Variants in PRPSAP2 observed in about 807,000 individuals in gnomAD.
The protein encoded by PRPSAP2 is phosphoribosyl pyrophosphate synthase-associated protein 2.
A neutral mutation model predicts 40.6 loss-of-function variants in PRPSAP2; 24 were observed. That is an observed-to-expected ratio of 0.59 (90% CI 0.43 to 0.83). The LOEUF (loss-of-function observed/expected upper bound fraction) is 0.83. Among genes scored for constraint, PRPSAP2 ranks in the 40% least tolerant of loss-of-function variants. The pLI, the probability that PRPSAP2 is intolerant of heterozygous loss-of-function variation, is 0.00. For synonymous variants in PRPSAP2, 149 were observed against 164.7 expected (o/e 0.90, Z 0.73); for missense variants, 292 against 465.6 (o/e 0.63, Z 3.43).
chr17:18,911,034 T>C lies in PRPSAP2; in HGVS notation c.585-69T>C. ...TTCTACTTATGTTCTCTTAATGTTTTGTCCCCTAGGCATTAGCAGAACCAA... is the reference window on the plus strand; with the variant it reads ...TTCTACTTATGTTCTCTTAATGTTTCGTCCCCTAGGCATTAGCAGAACCAA... On this transcript the variant is annotated intron_variant, in intron 8 of 11. Coordinates refer to ENST00000268835, the MANE Select transcript of PRPSAP2 (RefSeq NM_002767.4). The surrounding 1 kb of genome is among the most constrained non-coding windows in gnomAD (Gnocchi z 4.5). 10 of 1,472,696 alleles carry C rather than the reference T, an allele frequency of 6.8e-6. No homozygotes were observed. The South Asian group carries it at 1.3e-4, about 19-fold the overall frequency. 91.2% of individuals were successfully genotyped at this position (1,472,696 alleles called of 1,614,324 possible). A position where few individuals can be genotyped will look rare whatever the true frequency, so the allele number is the denominator to read the frequency against.
At chr17:18,864,442 C>T (rs931687996) in intron 1 of PRPSAP2, among the ~76,000 whole-genome samples, 14 of 151,890 alleles carry the variant, frequency 9.2e-5, no homozygotes, top group African/African-American at 1.9e-4. Context: ...TATAGGCAGC[C>T]ACCACCACGC....
At chr17:18,871,312 G>T (rs1426342049) in intron 4 of PRPSAP2, among the ~76,000 whole-genome samples, 2 of 152,112 alleles carry the variant, frequency 1.3e-5, no homozygotes, top group Non-Finnish European at 2.9e-5. Context: ...GAGCCACCGT[G>T]CCCAGCCTAA....
chr17:18,899,518 A>ATTT (rs1485609656), intron 8 of PRPSAP2, among the ~76,000 whole-genome samples: 11 of 74,798 alleles, frequency 1.5e-4, no homozygotes, highest in South Asian at 5.4e-4. Context: ...TATCCAACTG[A>ATTT]GTTTTTTTTT....
intron 8 of PRPSAP2, among the ~76,000 whole-genome samples, chr17:18,903,825 C>T (rs1417210332): frequency 6.6e-6 from 1 of 152,198 alleles, no homozygotes; most frequent in Non-Finnish European, 1.5e-5. Context: ...TCTTATATCC[C>T]GTAGCTATGT....
chr17:18,886,609 C>T (rs776403802), intron 7 of PRPSAP2, among the ~76,000 whole-genome samples: 27 of 152,074 alleles, frequency 1.8e-4, no homozygotes, highest in Non-Finnish European at 3.7e-4. Flanking sequence ...CTGCCCGCCT[C>T]AGCCTCCCAA....
chr17:18,864,298 T>G (rs2037268767), intron 1 of PRPSAP2, among the ~76,000 whole-genome samples: 1 of 150,274 alleles, frequency 6.7e-6, no homozygotes, highest in Non-Finnish European at 1.5e-5. Flanking sequence ...TGTTTCAGGT[T>G]TTTTTTTTTT....
At chr17:18,894,762 C>T (rs778802197) in intron 8 of PRPSAP2, among the ~76,000 whole-genome samples, 3 of 152,154 alleles carry the variant, frequency 2.0e-5, no homozygotes, top group African/African-American at 7.2e-5. Flanking sequence ...GGATTACAGG[C>T]GTGAGTCACC....
chr17:18,919,810 T>C (rs939663663), intron 9 of PRPSAP2, among the ~76,000 whole-genome samples: 31 of 152,242 alleles, frequency 2.0e-4, no homozygotes, highest in South Asian at 4.1e-4. Flanking sequence ...AGTGACAAGC[T>C]GGACATGTCT....
rs1289729857 is a variant in PRPSAP2 at position 18,877,788 on chromosome 17, C to T, written c.330C>T (p.Tyr110=). The stretch of plus-strand genomic sequence containing the variant: ...AGAGCATCATTGGCGTGATACCCTA[C>T]TTTCCTTACAGCAAGCAGTGCAAGA... ...CAKSIIGVIP[Y]FPYSKQCKMR... Residue 110 remains tyrosine, a synonymous_variant, in exon 6 of 12, where the codon TAC becomes TAT. Transcript: ENST00000268835. 5 of 1,613,938 alleles carry T rather than the reference C, an allele frequency of 3.1e-6. No individual in the cohort carries two copies. The highest frequency in any genetic ancestry group is 3.4e-6 in the Non-Finnish European group (4 of 1,179,846).
chr17:18,859,686 A>G (rs1170431500), intron 1 of PRPSAP2: 1 of 152,210 alleles, frequency 6.6e-6, no homozygotes, highest in Non-Finnish European at 1.5e-5. Context: ...ATCAATATTG[A>G]TATTAAAAAC....
intron 8 of PRPSAP2, chr17:18,908,660 G>T (rs994568368): frequency 5.5e-6 from 4 of 721,402 alleles, no homozygotes; most frequent in African/African-American, 5.2e-5. Context: ...GCCAACGAGT[G>T]CCCCAAGCCA....
chr17:18,867,226 A>C, intron 3 of PRPSAP2, 56 bp from the exon 4 acceptor site: 1 of 1,512,564 alleles, frequency 6.6e-7, no homozygotes, highest in African/African-American at 1.4e-5. Flanking sequence ...TAAATAGTAA[A>C]GATACTGGGT....
At chr17:18,898,787 C>T (rs1207920290) in intron 8 of PRPSAP2, among the ~76,000 whole-genome samples, 1 of 152,110 alleles carries the variant, frequency 6.6e-6, no homozygotes, top group East Asian at 1.9e-4. Context: ...ATGTCTCTGA[C>T]CAATTTGGGA....
At chr17:18,879,411 A>G (rs1326605034) in intron 6 of PRPSAP2, among the ~76,000 whole-genome samples, 2 of 152,100 alleles carry the variant, frequency 1.3e-5, no homozygotes, top group African/African-American at 4.8e-5. Context: ...CAGCCCCCAG[A>G]GTAGCTGGGA....
At chr17:18,868,248 C>T (rs1349667407) in intron 4 of PRPSAP2, among the ~76,000 whole-genome samples, 3 of 151,946 alleles carry the variant, frequency 2.0e-5, no homozygotes, top group Admixed American at 6.6e-5. Flanking sequence ...CCGAGGTGGG[C>T]GGATCACCTG....
At chr17:18,913,076 C>A (rs534444184) in intron 9 of PRPSAP2, among the ~76,000 whole-genome samples, 6 of 152,314 alleles carry the variant, frequency 3.9e-5, no homozygotes, top group African/African-American at 1.4e-4. Context: ...ATCTCTCAGG[C>A]TGGAGTTGCA....
intron 6 of PRPSAP2, among the ~76,000 whole-genome samples, chr17:18,879,557 G>A (rs535020155): frequency 3.7e-4 from 56 of 152,052 alleles, no homozygotes; most frequent in African/African-American, 1.3e-3. Context: ...GGGTTTAAGC[G>A]ATTCACCTGC....
intron 9 of PRPSAP2, chr17:18,917,569 ATTATTATTATTATTATTT>A (rs2041401507): frequency 6.6e-5 from 2 of 30,100 alleles, no homozygotes; most frequent in African/African-American, 2.2e-4. Flanking sequence ...TATTATTATT[ATTATTATTATTATTATTT>A]TTTTTTTTTT....
chr17:18,920,489 C>T (rs1192422461), intron 9 of PRPSAP2, among the ~76,000 whole-genome samples: 1 of 152,106 alleles, frequency 6.6e-6, no homozygotes, highest in Admixed American at 6.6e-5. Context: ...TTTGGGAATG[C>T]AGTAGAATTT....
Sources: allele counts gnomAD v4.1 joint callset (sites outside exome capture counted in the v4.1 genomes callset), GRCh38; gene constraint gnomAD v4.1.1; non-coding constraint Gnocchi (gnomAD v3.1); transcripts MANE v1.5; gene names NCBI Gene and HGNC (gene_info 2026-07-23, HGNC 2026-07-21).